CNTN4: variants seen among roughly 807,000 people sequenced by gnomAD.
CNTN4 encodes the protein contactin 4.
Under a neutral mutation model 122.5 loss-of-function variants are expected in CNTN4, and 77 were observed. The ratio of observed to expected loss-of-function variants is 0.63; its 90% CI spans 0.52 to 0.76. The LOEUF is 0.76. CNTN4 is among the 30% of genes least tolerant of loss of function. CNTN4 has a pLI of 0.00. For missense variants in CNTN4, 1,256 were observed against 1,259.1 expected (o/e 1.00, Z 0.04); for synonymous variants, 512 against 447.0 (o/e 1.15, Z -1.83).
intron 6 of CNTN4, among the ~76,000 whole-genome samples, chr3:2,778,245 T>TA (rs939488852): frequency 7.4e-6 from 1 of 135,148 alleles, no homozygotes; most frequent in African/African-American, 2.6e-5. Flanking sequence ...AATAAATAAA[T>TA]AAATAAATAA....
intron 2 of CNTN4, among the ~76,000 whole-genome samples, chr3:2,110,893 C>G (rs985096570): frequency 6.6e-6 from 1 of 152,138 alleles, no homozygotes; most frequent in South Asian, 2.1e-4. Context: ...AATATTGTGA[C>G]ATGTATTTGT....
In CNTN4 at chr3:2,889,883, G is replaced by A. The variant is rs541829064; in HGVS notation, c.940+2659G>A. ...TACAGTACTCCAGGATTACTGTTAT[G>A]GAAAATCAACTTTGTCACTGGCTCC... On this transcript the variant is annotated intron_variant, in intron 10 of 24. Transcript: ENST00000418658. Among the ~76,000 whole-genome samples, 66 of 152,132 alleles carry A rather than the reference G, an allele frequency of 4.3e-4. 1 individual carries two copies. The highest frequency in any genetic ancestry group is 8.8e-4 in the Non-Finnish European group (60 of 68,028).
At chr3:2,874,472 A>G (rs1174233803) in intron 8 of CNTN4, among the ~76,000 whole-genome samples, 1 of 152,178 alleles carries the variant, frequency 6.6e-6, no homozygotes, top group Non-Finnish European at 1.5e-5. Context: ...TCTTTTGATC[A>G]TGCATTTAAC....
At chr3:2,787,978 C>T (rs959734561) in intron 6 of CNTN4, among the ~76,000 whole-genome samples, 8 of 151,954 alleles carry the variant, frequency 5.3e-5, no homozygotes, top group African/African-American at 1.4e-4. Context: ...TTAGTAGAGA[C>T]GGGGCTTCAC....
intron 2 of CNTN4, among the ~76,000 whole-genome samples, chr3:2,199,880 A>G (rs2038017203): frequency 6.6e-6 from 1 of 152,156 alleles, no homozygotes; most frequent in African/African-American, 2.4e-5. Context: ...CAGAGGGAAT[A>G]ACTTGTGTAG....
At chr3:2,114,612 T>C (rs11925376) in intron 2 of CNTN4, among the ~76,000 whole-genome samples, 37,141 of 152,070 alleles carry the variant, frequency 0.24, 4,690 homozygotes, top group East Asian at 0.48. Context: ...TTACACAGTT[T>C]CATAGACTAG....
At chr3:2,540,477 G>A (rs2077990034) in intron 3 of CNTN4, among the ~76,000 whole-genome samples, 1 of 152,010 alleles carries the variant, frequency 6.6e-6, no homozygotes, top group Admixed American at 6.6e-5. Context: ...GACGGTGGGG[G>A]AATATCATTT....
chr3:2,619,488 C>A (rs760074145), intron 4 of CNTN4, among the ~76,000 whole-genome samples: 1 of 152,122 alleles, frequency 6.6e-6, no homozygotes. Flanking sequence ...TCTGTATATA[C>A]CTTTATTTTG....
intron 2 of CNTN4, among the ~76,000 whole-genome samples, chr3:2,329,685 T>A (rs951749050): frequency 3.9e-5 from 6 of 152,134 alleles, no homozygotes; most frequent in Non-Finnish European, 7.4e-5. Flanking sequence ...TCACAGAACT[T>A]TAGTTATCAC....
chr3:2,656,815 G>C (rs1020762825), intron 4 of CNTN4, among the ~76,000 whole-genome samples: 1 of 152,134 alleles, frequency 6.6e-6, no homozygotes, highest in Non-Finnish European at 1.5e-5. Context: ...TATTCTATTC[G>C]TACCTTATCA....
chr3:2,164,106 C>A lies in CNTN4; in HGVS notation c.-145+63467C>A, dbSNP rs550159869. On this transcript the variant is annotated intron_variant, in intron 2 of 24. Coordinates refer to ENST00000418658, the MANE Select transcript of CNTN4 (RefSeq NM_175607.3). Reference sequence around the variant, plus strand: ...CTTGGGTGATGAGTGCACCAAAATCCCAGAAATCACCACTAAAGAACTATC... The same window carrying A: ...CTTGGGTGATGAGTGCACCAAAATCACAGAAATCACCACTAAAGAACTATC... Among the ~76,000 whole-genome samples the A allele has an allele frequency of 7.3e-5, 11 of 151,714 alleles. No homozygotes were observed. The South Asian group carries it at 2.3e-3, about 32-fold the overall frequency.
intron 3 of CNTN4, among the ~76,000 whole-genome samples, chr3:2,429,999 C>T (rs951665217): frequency 4.6e-5 from 7 of 152,250 alleles, no homozygotes; most frequent in African/African-American, 9.6e-5. Context: ...AGGGAATTCC[C>T]GGACCCCTTG....
chr3:2,265,632 A>G (rs907673551), intron 2 of CNTN4, among the ~76,000 whole-genome samples: 6 of 152,084 alleles, frequency 3.9e-5, no homozygotes, highest in Admixed American at 1.3e-4. Context: ...TGAGGATTGC[A>G]ATCAGTCTAT....
At chr3:2,573,648 C>T (rs1160101519) in intron 4 of CNTN4, among the ~76,000 whole-genome samples, 2 of 152,162 alleles carry the variant, frequency 1.3e-5, no homozygotes, top group African/African-American at 4.8e-5. Flanking sequence ...CCACTACTCT[C>T]TTCAGTAGTG....
intron 13 of CNTN4, among the ~76,000 whole-genome samples, chr3:2,983,006 A>C (rs1694175398): frequency 6.6e-6 from 1 of 151,902 alleles, no homozygotes; most frequent in Non-Finnish European, 1.5e-5. Context: ...CGAGGTCAGG[A>C]GATCGAGACC....
In CNTN4 at chr3:2,438,803, G is replaced by T. The variant is rs2048338800; in HGVS notation, c.-89+99570G>T. On this transcript the variant is annotated intron_variant, in intron 3 of 24. Coordinates refer to ENST00000418658, the MANE Select transcript of CNTN4 (RefSeq NM_175607.3). ...GGTCTGGAGTCTGGTTCTCAAGTGG[G>T]CAATGAGTTTTAAACAGGATATGAA... 2.6e-5 allele frequency among the ~76,000 whole-genome samples: 4 copies of T among 152,270 alleles called. No homozygotes were observed. The South Asian group carries it at 8.3e-4, about 32-fold the overall frequency.
intron 2 of CNTN4, among the ~76,000 whole-genome samples, chr3:2,233,253 C>T (rs574292198): frequency 6.6e-6 from 1 of 152,128 alleles, no homozygotes; most frequent in Admixed American, 6.5e-5. Flanking sequence ...GTCTGAAATC[C>T]ACTGTTGACT....
intron 3 of CNTN4, among the ~76,000 whole-genome samples, chr3:2,549,878 C>G (rs1486458653): frequency 1.3e-5 from 2 of 152,230 alleles, no homozygotes; most frequent in East Asian, 1.9e-4. Flanking sequence ...AATTTCAGAA[C>G]TTGTTATTGG....
At chr3:2,682,803 CT>C (rs1377631278) in intron 4 of CNTN4, among the ~76,000 whole-genome samples, 1 of 152,096 alleles carries the variant, frequency 6.6e-6, no homozygotes, top group African/African-American at 2.4e-5. Flanking sequence ...TGCCTTTTAG[CT>C]ATTATTAGTC....
Sources: gnomAD v4.1 joint callset for allele counts (sites outside exome capture counted in the v4.1 genomes callset) on GRCh38, gnomAD v4.1.1 for gene constraint, MANE v1.5 for transcripts, NCBI Gene and HGNC (gene_info 2026-07-23, HGNC 2026-07-21) for gene names.